The following FGR variants were observed in gnomAD, a reference collection of about 807,000 sequenced individuals.
FGR encodes the protein tyrosine-protein kinase Fgr.
In FGR, 26 loss-of-function variants were observed where a neutral mutation model predicts 63.2. The observed-to-expected ratio is 0.41, with a 90% CI of 0.30 to 0.57. FGR has a LOEUF of 0.57. Among genes scored for constraint, FGR ranks in the 20% least tolerant of loss-of-function variants. The pLI is 0.27. For synonymous variants in FGR, 286 were observed against 277.7 expected, an observed-to-expected ratio of 1.03 and a Z score of -0.30; for missense variants, 511 against 690.8, an observed-to-expected ratio of 0.74 and a Z score of 2.92.
chr1:27,620,991 C>CAAAAAAAAAAAAAAAAAAAAA (rs59265327), intron 5 of FGR, among the ~76,000 whole-genome samples: 8 of 22,036 alleles, frequency 3.6e-4, no homozygotes, highest in African/African-American at 5.4e-4. Flanking sequence ...GACCCTGTCT[C>CAAAAAAAAAAAAAAAAAAAAA]AAAAAAAAAA....
At chr1:27,625,195 A>G (rs1327858041) in intron 1 of FGR, 44 bp from the exon 2 acceptor site, 5 of 152,678 alleles carry the variant, frequency 3.3e-5, no homozygotes, top group African/African-American at 1.2e-4. Flanking sequence ...GTCTCTGCCA[A>G]TGTTTCTGTC....
At chr1:27,626,474 C>G (rs1205502382) in intron 1 of FGR, 3 of 319,330 alleles carry the variant, frequency 9.4e-6, no homozygotes, top group Non-Finnish European at 1.7e-5. Flanking sequence ...TCCAGAAAGT[C>G]TTCCTGGATC....
intron 11 of FGR, 34 bp from the exon 12 acceptor site, chr1:27,613,384 A>AG (rs1055085331): frequency 1.2e-6 from 2 of 1,608,896 alleles, no homozygotes; most frequent in South Asian, 1.1e-5. Flanking sequence ...AAAGTTAGTG[A>AG]GGGGGTCCCT....
chr1:27,612,968 C>T lies in FGR; in HGVS notation c.1536G>A (p.Leu512=). Residue 512 remains leucine, a synonymous_variant, in exon 13 of 13, where the codon CTG becomes CTA. Transcript: ENST00000374005. The stretch of plus-strand genomic sequence containing the variant: ...GTTCAGCGGAGGTGAAGTAGTCCTC[C>T]AGGAAGGACTGCAGGTACTCGAAGG... ...RPTFEYLQSF[L]EDYFTSAEPQ... is the part of the protein sequence containing the mutation. 1 of 1,614,178 alleles carries T rather than the reference C, an allele frequency of 6.2e-7. No individual in the cohort carries two copies. The highest frequency in any genetic ancestry group is 8.5e-7 in the Non-Finnish European group (1 of 1,180,024).
intron 5 of FGR, 123 bp downstream of exon 5, chr1:27,621,436 T>A (rs920395894): frequency 4.4e-5 from 30 of 677,396 alleles, no homozygotes; most frequent in Non-Finnish European, 3.8e-5. Context: ...ACAATGACCT[T>A]ACAAAATTAT....
chr1:27,615,812 C>T lies in FGR; in HGVS notation c.715G>A (p.Ala239Thr). 6.3e-7 allele frequency: 1 copy of T among 1,597,874 alleles called. No homozygotes were observed. The highest frequency in any genetic ancestry group is 1.3e-5 in the African/African-American group (1 of 74,620). The part of the protein sequence containing the change: ...VNDGLCNLLI[A>T]PCTIMKPQTL... ...TGCGGCTTCATGATGGTGCAGGGCG[C>T]GATGAGCAGGTTGCACAGCCCGTCA... Residue 239 changes from alanine to threonine, a missense_variant, in exon 8 of 13, where the codon GCG becomes ACG. Transcript: ENST00000374005. The surrounding 1 kb of genome is among the most constrained non-coding windows in gnomAD (Gnocchi z 7.6).
chr1:27,623,047 G>A lies in FGR; in HGVS notation c.324C>T (p.Asn108=), dbSNP rs1469917817. The change falls in exon 4 of 13, where the codon AAC becomes AAT. Residue 108 remains asparagine (N), a synonymous_variant. Transcript: ENST00000374005. Reference sequence around the variant, plus strand: ...TAGGTGGCCTGGTCACTTACGTATTGTTCAGGATGTGGAACTTCTCGCCCT... The same window carrying A: ...TAGGTGGCCTGGTCACTTACGTATTATTCAGGATGTGGAACTTCTCGCCCT... ...FTKGEKFHIL[N]NTEGDWWEAR... The A allele has an allele frequency of 6.2e-7, 1 of 1,612,512 alleles. No individual in the cohort carries two copies. Among genetic ancestry groups the A allele is most frequent in the Admixed American group, 1.7e-5 (1 of 60,034 alleles).
chr1:27,623,406 T>A (rs2089965124), intron 3 of FGR: 1 of 596,492 alleles, frequency 1.7e-6, no homozygotes, highest in Admixed American at 2.9e-5. Flanking sequence ...ACTTCCCATC[T>A]GGGAAGTGGC....
intron 10 of FGR, 96 bp downstream of exon 10, chr1:27,614,754 G>A (rs1160608852): frequency 7.3e-7 from 1 of 1,363,030 alleles, no homozygotes; most frequent in South Asian, 1.3e-5. Context: ...TGATGCAGGG[G>A]GCGGGGCCGC....
At chr1:27,628,622 A>G (rs2090060594) in intron 1 of FGR, among the ~76,000 whole-genome samples, 1 of 152,068 alleles carries the variant, frequency 6.6e-6, no homozygotes, top group South Asian at 2.1e-4. Flanking sequence ...GAGAACATAG[A>G]CTTATACAAT....
rs762083500 is a variant in FGR at position 27,616,920 on chromosome 1, C to T, written c.619G>A (p.Gly207Ser). The change falls in exon 7 of 13, where the codon GGC becomes AGC. Residue 207 changes from glycine (G) to serine (S), a missense_variant. Physicochemically the swap from Gly to Ser is moderately conservative, Grantham distance 56. Transcript: ENST00000374005. The surrounding 1 kb of genome is among the most constrained non-coding windows in gnomAD (Gnocchi z 4.3). Reference protein sequence around the residue: ...HYKIRKLDMGGYYITTRVQFN... With the variant: ...HYKIRKLDMGSYYITTRVQFN... ...TGAACCCGTGTGGTGATGTAGTAGC[C>T]GCCCATGTCCAGTTTGCGGATCTTG... 27 of 1,614,090 alleles carry T rather than the reference C, an allele frequency of 1.7e-5. No homozygotes were observed. Among genetic ancestry groups the T allele is most frequent in the Admixed American group, 1.5e-4 (9 of 60,014 alleles).
chr1:27,624,483 G>A (rs190760638), intron 2 of FGR, among the ~76,000 whole-genome samples: 57 of 152,254 alleles, frequency 3.7e-4, no homozygotes, highest in Middle Eastern at 6.8e-3. Flanking sequence ...TTGTGTTTCT[G>A]TGACTCTTTC....
chr1:27,627,047 C>T (rs1322425341), intron 1 of FGR, among the ~76,000 whole-genome samples: 3 of 151,996 alleles, frequency 2.0e-5, no homozygotes, highest in African/African-American at 7.3e-5. Context: ...ATGGCACCCA[C>T]CTGTAGTCCC....
At chr1:27,624,410 T>G (rs1190448052) in intron 2 of FGR, among the ~76,000 whole-genome samples, 1 of 152,108 alleles carries the variant, frequency 6.6e-6, no homozygotes, top group Non-Finnish European at 1.5e-5. Context: ...CTAATTTGTT[T>G]GATTTTTAGT....
At position 27,615,041 on chromosome 1, in the gene FGR, A is replaced by AC; in HGVS notation, c.1019-116dup. On this transcript the variant is annotated intron_variant, in intron 9 of 12. Coordinates refer to ENST00000374005, the MANE Select transcript of FGR (RefSeq NM_005248.3). The surrounding 1 kb of genome is among the most constrained non-coding windows in gnomAD (Gnocchi z 7.6). ...CACCTGGACCCGCCCCTCACTTAGG[A>AC]CCCCGCGGGTGCCTCAACCCCTCAC... is the stretch of plus-strand genomic sequence containing the variant. 2 of 764,182 alleles carry AC rather than the reference A, an allele frequency of 2.6e-6. No homozygotes were observed. The highest frequency in any genetic ancestry group is 3.2e-5 in the South Asian group (2 of 62,538). 47.3% of individuals were successfully genotyped at this position (764,182 alleles called of 1,614,324 possible).
Position 27,621,543 on chromosome 1 carries a change from C to T in FGR, c.428+16G>A, listed in dbSNP as rs763642268. 15 of 1,601,942 alleles carry T rather than the reference C, an allele frequency of 9.4e-6. No homozygotes were observed. The African/African-American group carries it at 1.7e-4, about 19-fold the overall frequency. On this transcript the variant is annotated intron_variant, in intron 5 of 12. Coordinates refer to ENST00000374005, the MANE Select transcript of FGR (RefSeq NM_005248.3). ...GTCCTGTCCATAGGGCTGGTCTTGCCCCAATCCCTACTTACTCTTCAGCTT... is the reference window on the plus strand; with the variant it reads ...GTCCTGTCCATAGGGCTGGTCTTGCTCCAATCCCTACTTACTCTTCAGCTT...
intron 12 of FGR, 41 bp downstream of exon 12, chr1:27,613,178 T>A (rs1167011594): frequency 1.2e-6 from 2 of 1,609,978 alleles, no homozygotes; most frequent in Non-Finnish European, 1.7e-6. Context: ...CCCTTCCCCG[T>A]GACCATCCCC....
chr1:27,623,280 G>A (rs1186444064), intron 3 of FGR, 136 bp from the exon 4 acceptor site: 2 of 654,180 alleles, frequency 3.1e-6, no homozygotes, highest in Admixed American at 2.6e-5. Flanking sequence ...AAGGCCTTTG[G>A]GGTCCAAGGA....
Position 27,627,643 on chromosome 1 carries a change from T to C in FGR, c.-76-2492A>G, listed in dbSNP as rs567312560. Among the ~76,000 whole-genome samples, 5 of 152,268 alleles carry C rather than the reference T, an allele frequency of 3.3e-5. No homozygotes were observed. In the South Asian group the frequency reaches 1.0e-3, roughly 32 times the overall value. On this transcript the variant is annotated intron_variant, in intron 1 of 12. Coordinates refer to ENST00000374005, the MANE Select transcript of FGR (RefSeq NM_005248.3). ...TTTATTTTGAGAGGGAGTTTCACTC[T>C]TGTCACCCAGGCTGGAGTGCAATGG...
Sources: allele counts gnomAD v4.1 joint callset (sites outside exome capture counted in the v4.1 genomes callset), GRCh38; gene constraint gnomAD v4.1.1; non-coding constraint Gnocchi (gnomAD v3.1); transcripts MANE v1.5; gene names NCBI Gene and HGNC (gene_info 2026-07-23, HGNC 2026-07-21).